Variants in YEATS2 observed in about 807,000 individuals in gnomAD.
YEATS2 encodes the protein YEATS domain-containing protein 2.
A neutral mutation model predicts 163.2 loss-of-function variants in YEATS2; 77 were observed. The ratio of observed to expected loss-of-function variants is 0.47; its 90% CI spans 0.39 to 0.57. The LOEUF (loss-of-function observed/expected upper bound fraction) is 0.57. Ranked by LOEUF, YEATS2 falls within the 20% of genes least tolerant of loss-of-function variation. The pLI, the probability that YEATS2 is intolerant of heterozygous loss-of-function variation, is 0.00. For missense variants in YEATS2, 1,549 were observed against 1,729.8 expected (o/e 0.90, Z 1.85); for synonymous variants, 631 against 645.1 (o/e 0.98, Z 0.33).
intron 7 of YEATS2, among the ~76,000 whole-genome samples, chr3:183,732,395 G>T (rs1717885334): frequency 2.0e-5 from 3 of 150,682 alleles, no homozygotes; most frequent in South Asian, 4.2e-4. Flanking sequence ...ACAGGTTGCG[G>T]TGAGCCAAGA....
rs199913724 is a variant in YEATS2, at chr3:183,773,717, A to G, written c.2291A>G (p.Asn764Ser). 150 of 1,613,728 alleles carry G rather than the reference A, an allele frequency of 9.3e-5. 1 individual carries two copies. The highest frequency in any genetic ancestry group is 1.3e-4 in the Non-Finnish European group (149 of 1,179,886). Reference protein sequence around the residue: ...PPGTKLYLTTNSKNPSGKGKL... With the variant: ...PPGTKLYLTTSSKNPSGKGKL... ...GGCACTAAACTCTACCTAACTACAA[A>G]CAGCAAGAACCCTTCAGGAAAAGGA... The change falls in exon 17 of 31, where the codon AAC (asparagine) becomes AGC (serine). Residue 764 changes from asparagine (N) to serine (S), a missense_variant. Asn to Ser is a conservative substitution (Grantham distance 46). Transcript: ENST00000305135.
intron 15 of YEATS2, among the ~76,000 whole-genome samples, chr3:183,767,178 A>G (rs528812693): frequency 3.3e-5 from 5 of 152,222 alleles, no homozygotes; most frequent in Non-Finnish European, 7.4e-5. Flanking sequence ...CAAGGTGGGT[A>G]AGCTCTGCTG....
intron 15 of YEATS2, among the ~76,000 whole-genome samples, chr3:183,764,625 G>A (rs981563306): frequency 2.0e-5 from 3 of 151,964 alleles, no homozygotes; most frequent in African/African-American, 7.2e-5. Context: ...GGCCAACATA[G>A]TGAAACCCCG....
intron 15 of YEATS2, among the ~76,000 whole-genome samples, chr3:183,770,772 G>C (rs1722377005): frequency 6.6e-6 from 1 of 152,112 alleles, no homozygotes; most frequent in Non-Finnish European, 1.5e-5. Context: ...ACATTTTTCT[G>C]CAACTCCCTT....
intron 11 of YEATS2, among the ~76,000 whole-genome samples, chr3:183,755,757 T>C (rs1720682784): frequency 7.3e-6 from 1 of 137,472 alleles, no homozygotes; most frequent in Admixed American, 7.3e-5. Flanking sequence ...TTTTTTTTTT[T>C]TTTTTTTTTT....
chr3:183,744,638 G>T (rs185973206), intron 8 of YEATS2, among the ~76,000 whole-genome samples: 45 of 152,228 alleles, frequency 3.0e-4, no homozygotes, highest in Admixed American at 2.9e-3. Context: ...TCATTTTATT[G>T]TTTTGCTGTG....
At chr3:183,736,526 T>A (rs1718357814) in intron 7 of YEATS2, among the ~76,000 whole-genome samples, 192 bp from the exon 8 acceptor site, 1 of 151,936 alleles carries the variant, frequency 6.6e-6, no homozygotes. Flanking sequence ...TAATAGAGGT[T>A]TGAGTTGAGT....
intron 1 of YEATS2, among the ~76,000 whole-genome samples, chr3:183,705,971 G>A (rs1714577544): frequency 6.6e-6 from 1 of 151,854 alleles, no homozygotes; most frequent in Non-Finnish European, 1.5e-5. Context: ...CCCGGGAGGC[G>A]GAGCTTGTAG....
Position 183,752,087 on chromosome 3 carries a change from A to T in YEATS2, c.984A>T (p.Glu328Asp). ...CAATTGTCTAGGTAGTGGATGTTGAACTCCATCGCCATTCTCTCGGAGAAG... is the reference window on the plus strand; with the variant it reads ...CAATTGTCTAGGTAGTGGATGTTGATCTCCATCGCCATTCTCTCGGAGAAG... ...TLGAETVVDVELHRHSLGEDC... is the reference protein window; with the variant it reads ...TLGAETVVDVDLHRHSLGEDC... The change falls in exon 10 of 31, where the codon GAA (glutamate) becomes GAT (aspartate). Residue 328 changes from glutamate to aspartate, a missense_variant. Physicochemically the swap from Glu to Asp is conservative, Grantham distance 45 (BLOSUM62 2). Transcript: ENST00000305135. 1 of 1,612,890 alleles carries T rather than the reference A, an allele frequency of 6.2e-7. No individual in the cohort carries two copies. The highest frequency in any genetic ancestry group is 1.1e-5 in the South Asian group (1 of 90,948).
At chr3:183,713,556 C>T (rs57297887) in intron 1 of YEATS2, among the ~76,000 whole-genome samples, 3,668 of 152,236 alleles carry the variant, frequency 0.024, 151 homozygotes, top group African/African-American at 0.084. Context: ...GAGTGAGACT[C>T]CGTCTCAATC....
chr3:183,719,416 C>T (rs1407821099), intron 4 of YEATS2, among the ~76,000 whole-genome samples: 3 of 152,182 alleles, frequency 2.0e-5, no homozygotes, highest in Non-Finnish European at 4.4e-5. Context: ...GGATTACAGG[C>T]GTGAGCCACC....
At chr3:183,781,337 A>G (rs1344117310) in intron 19 of YEATS2, among the ~76,000 whole-genome samples, 1 of 152,176 alleles carries the variant, frequency 6.6e-6, no homozygotes, top group Non-Finnish European at 1.5e-5. Context: ...TCTGATGTCT[A>G]AGGGTAGGAG....
In YEATS2 at chr3:183,786,179, A is replaced by ACTGTG; in HGVS notation, c.2793_2797dup (p.Pro933LeufsTer16). Reference sequence around the variant, plus strand: ...GAAAATATCCGATAGCACCTTGAAGACTGTGCCAGCCACCTCACAGCTCTC... The same window carrying ACTGTG: ...GAAAATATCCGATAGCACCTTGAAGACTGTGCTGTGCCAGCCACCTCACAGCTCTC... On this transcript the variant is annotated frameshift_variant, in exon 20 of 31. Transcript: ENST00000305135. LOFTEE classifies it high-confidence loss of function. 6.2e-7 allele frequency: 1 copy of ACTGTG among 1,614,152 alleles called. No homozygotes were observed. Among genetic ancestry groups the ACTGTG allele is most frequent in the Non-Finnish European group, 8.5e-7 (1 of 1,180,032 alleles).
intron 15 of YEATS2, among the ~76,000 whole-genome samples, chr3:183,770,207 T>A (rs1199555993): frequency 6.6e-6 from 1 of 151,478 alleles, no homozygotes; most frequent in African/African-American, 2.4e-5. Context: ...GCTAACACGG[T>A]GAAACCCCGT....
rs910578096 is a variant in YEATS2 at position 183,708,251 on chromosome 3, T to G, written c.-19-6893T>G. Among the ~76,000 whole-genome samples the G allele has an allele frequency of 2.7e-5, 4 of 146,428 alleles. No homozygotes were observed. The South Asian group carries it at 8.9e-4, about 33-fold the overall frequency. ...ATCTCGGCTCACTGCAACCTCTGCC[T>G]CCTGGGTTCAAGCAGTTCTCCTGAC... On this transcript the variant is annotated intron_variant, in intron 1 of 30. Transcript: ENST00000305135.
chr3:183,802,387 TAA>T, intron 25 of YEATS2: 1 of 153,152 alleles, frequency 6.5e-6, no homozygotes, highest in African/African-American at 2.4e-5. Flanking sequence ...TTCTGTAGGG[TAA>T]AGTTTGGGGG....
rs933900295 is a variant in YEATS2 at position 183,728,916 on chromosome 3, G to A, written c.812+65G>A. ...GACTTATTTTTGAAGTGGAAGAAAA[G>A]TGATTTAACTTCAAAACATTTCCTG... On this transcript the variant is annotated intron_variant, in intron 7 of 30. Transcript: ENST00000305135. 13 of 1,461,554 alleles carry A rather than the reference G, an allele frequency of 8.9e-6. No individual in the cohort carries two copies. In the Admixed American group the frequency reaches 2.7e-4, roughly 30 times the overall value. 90.5% of individuals were successfully genotyped at this position (1,461,554 alleles called of 1,614,324 possible).
intron 10 of YEATS2, among the ~76,000 whole-genome samples, chr3:183,753,279 T>A (rs1167957035): frequency 6.6e-6 from 1 of 152,204 alleles, no homozygotes; most frequent in Non-Finnish European, 1.5e-5. Flanking sequence ...AATATATGTG[T>A]ATAAATACAT....
intron 1 of YEATS2, among the ~76,000 whole-genome samples, chr3:183,700,598 C>CT (rs748017835): frequency 0.042 from 5,345 of 126,588 alleles, 209 homozygotes; most frequent in Admixed American, 0.085. Flanking sequence ...TCTTTTCTTT[C>CT]TTTTTTTTTT....
Sources: gnomAD v4.1 joint callset for allele counts (sites outside exome capture counted in the v4.1 genomes callset) on GRCh38, gnomAD v4.1.1 for gene constraint, MANE v1.5 for transcripts, NCBI Gene and HGNC (gene_info 2026-07-23, HGNC 2026-07-21) for gene names.